The following PAN3 variants were observed in gnomAD, a reference collection of about 807,000 sequenced individuals.
PAN3 encodes poly(A) specific ribonuclease subunit PAN3.
In PAN3, 19 loss-of-function variants were observed where a neutral mutation model predicts 96.2. The observed-to-expected ratio is 0.20, with a 90% CI of 0.14 to 0.29. The LOEUF is 0.29. PAN3 is among the 10% of genes least tolerant of loss of function. The pLI is 1.00. For missense variants in PAN3, 882 were observed against 1,108.1 expected (o/e 0.80, Z 2.90); for synonymous variants, 433 against 406.6 (o/e 1.06, Z -0.78).
intron 5 of PAN3, chr13:28,214,857 A>T: frequency 1.3e-6 from 1 of 741,042 alleles, no homozygotes; most frequent in Admixed American, 1.8e-5. Flanking sequence ...TGCTGTACTG[A>T]TTATTGCTGC....
chr13:28,219,593 A>G (rs923200045), intron 5 of PAN3, among the ~76,000 whole-genome samples: 4 of 152,250 alleles, frequency 2.6e-5, no homozygotes, highest in Non-Finnish European at 5.9e-5. Flanking sequence ...GTTGTAGCAT[A>G]GTACCACTGT....
chr13:28,166,030 C>A (rs2138054414), intron 1 of PAN3, among the ~76,000 whole-genome samples: 1 of 152,252 alleles, frequency 6.6e-6, no homozygotes, highest in South Asian at 2.1e-4. Context: ...TGCCCCGATC[C>A]CTTAAATCCT....
intron 6 of PAN3, among the ~76,000 whole-genome samples, chr13:28,225,573 AT>A (rs1881909159): frequency 1.3e-5 from 2 of 152,198 alleles, no homozygotes; most frequent in African/African-American, 2.4e-5. Flanking sequence ...ACAGATTGTC[AT>A]CTAGTCTCTG....
intron 5 of PAN3, among the ~76,000 whole-genome samples, chr13:28,199,702 G>T (rs1878476163): frequency 6.6e-6 from 1 of 151,874 alleles, no homozygotes; most frequent in Admixed American, 6.6e-5. Context: ...TCTTTTTCTT[G>T]TGAGAGAAAA....
At chr13:28,172,045 G>A (rs777448491) in intron 1 of PAN3, among the ~76,000 whole-genome samples, 3 of 152,212 alleles carry the variant, frequency 2.0e-5, no homozygotes, top group African/African-American at 7.2e-5. Context: ...TTGAACAAAA[G>A]ATGCTCCTAG....
At chr13:28,200,993 T>C (rs2138254243) in intron 5 of PAN3, among the ~76,000 whole-genome samples, 1 of 152,256 alleles carries the variant, frequency 6.6e-6, no homozygotes, top group East Asian at 1.9e-4. Context: ...GAGCACTTAA[T>C]ATTGCTGGCT....
chr13:28,287,387 A>G (rs1157321801), intron 17 of PAN3, among the ~76,000 whole-genome samples: 1 of 152,200 alleles, frequency 6.6e-6, no homozygotes, highest in Non-Finnish European at 1.5e-5. Context: ...AGATAAATTC[A>G]TCTTCGTTTT....
intron 6 of PAN3, among the ~76,000 whole-genome samples, chr13:28,233,762 G>T (rs948791620): frequency 6.6e-6 from 1 of 152,076 alleles, no homozygotes; most frequent in African/African-American, 2.4e-5. Flanking sequence ...AATTTCACTG[G>T]CAAATATCAG....
chr13:28,230,738 C>G (rs761937689), intron 6 of PAN3, among the ~76,000 whole-genome samples: 1 of 151,992 alleles, frequency 6.6e-6, no homozygotes, highest in Admixed American at 6.6e-5. Context: ...CTAAATCTTA[C>G]TTTTTTGTGT....
intron 1 of PAN3, among the ~76,000 whole-genome samples, chr13:28,159,039 G>GAA (rs1872574691): frequency 6.6e-6 from 1 of 152,166 alleles, no homozygotes; most frequent in African/African-American, 2.4e-5. Flanking sequence ...TGCTAGTGGG[G>GAA]AAAGCAGTTT....
chr13:28,146,302 C>CTCTT (rs1555267958), intron 1 of PAN3, among the ~76,000 whole-genome samples: 1 of 129,312 alleles, frequency 7.7e-6, no homozygotes, highest in Non-Finnish European at 1.5e-5. Context: ...CTTTCTCTGT[C>CTCTT]TCTCTCTCTC....
rs983536515 is a variant in PAN3 at position 28,280,626 on chromosome 13, A to G, written c.2319+85A>G. Reference sequence around the variant, plus strand: ...ACCCAGGCTGGAGTGCAGTGGTGCTATCTCGGCTTACTGTAACCTCTGCCT... The same window carrying G: ...ACCCAGGCTGGAGTGCAGTGGTGCTGTCTCGGCTTACTGTAACCTCTGCCT... On this transcript the variant is annotated intron_variant, in intron 16 of 18. Transcript: ENST00000380958. 31 of 1,225,862 alleles carry G rather than the reference A, an allele frequency of 2.5e-5. No individual in the cohort carries two copies. In the South Asian group the frequency reaches 3.3e-4, roughly 13 times the overall value. The allele number at this position is 1,225,862 out of a possible 1,614,324, so 75.9% of individuals were successfully genotyped here.
At chr13:28,285,556 A>C (rs1007812268) in intron 17 of PAN3, among the ~76,000 whole-genome samples, 1 of 152,132 alleles carries the variant, frequency 6.6e-6, no homozygotes, top group African/African-American at 2.4e-5. Context: ...AATCTTGGAA[A>C]CTTAACGTCC....
At chr13:28,220,138 T>C in intron 5 of PAN3, 93 bp from the exon 6 acceptor site, 1 of 1,181,980 alleles carries the variant, frequency 8.5e-7, no homozygotes, top group Non-Finnish European at 1.2e-6. Flanking sequence ...ATATTTTACT[T>C]AGTAAATAAA....
At chr13:28,140,103 A>G (rs1869498535) in intron 1 of PAN3, among the ~76,000 whole-genome samples, 1 of 152,094 alleles carries the variant, frequency 6.6e-6, no homozygotes. Context: ...GCGCGCCACC[A>G]CGGCCAGATA....
At chr13:28,143,873 CG>C (rs1201544514) in intron 1 of PAN3, among the ~76,000 whole-genome samples, 1 of 152,084 alleles carries the variant, frequency 6.6e-6, no homozygotes, top group East Asian at 1.9e-4. Flanking sequence ...TAATGTGTAG[CG>C]TGTGGCAAAG....
At chr13:28,201,473 G>A (rs1878689523) in intron 5 of PAN3, among the ~76,000 whole-genome samples, 1 of 152,146 alleles carries the variant, frequency 6.6e-6, no homozygotes, top group Non-Finnish European at 1.5e-5. Flanking sequence ...GTGAACCTGG[G>A]AGGTGGAGCT....
chr13:28,263,361 A>G (rs1397572666), intron 9 of PAN3, among the ~76,000 whole-genome samples: 1 of 152,232 alleles, frequency 6.6e-6, no homozygotes, highest in Non-Finnish European at 1.5e-5. Context: ...TTGAGACAGC[A>G]TCTTGCTGTC....
rs755325802 is a variant in PAN3 at position 28,256,538 on chromosome 13, T to C, written c.1247T>C (p.Met416Thr). The stretch of plus-strand genomic sequence containing the variant: ...ACAACTCCAGCACCTTTGACTGGAA[T>C]GGTATGTCTACATTAAAGAGGAAAT... ...TDTTPAPLTGMVFPNYHIYPP... is the reference protein window; with the variant it reads ...TDTTPAPLTGTVFPNYHIYPP... Residue 416 changes from methionine (M) to threonine (T), a missense_variant and splice_region_variant, in exon 7 of 19, where the codon ATG becomes ACG. By Grantham distance (81) the Met-to-Thr change is moderately conservative. Transcript: ENST00000380958. 3 of 1,612,074 alleles carry C rather than the reference T, an allele frequency of 1.9e-6. No individual in the cohort carries two copies. Among genetic ancestry groups the C allele is most frequent in the East Asian group, 4.5e-5 (2 of 44,852 alleles).
Sources: gnomAD v4.1 joint callset for allele counts (sites outside exome capture counted in the v4.1 genomes callset) on GRCh38, gnomAD v4.1.1 for gene constraint, MANE v1.5 for transcripts, NCBI Gene and HGNC (gene_info 2026-07-23, HGNC 2026-07-21) for gene names.